POLE: variants seen among roughly 807,000 people sequenced by gnomAD.
POLE encodes DNA polymerase epsilon catalytic subunit A.
POLE carries 188 observed loss-of-function variants against 279.2 expected under a neutral mutation model. That is an observed-to-expected ratio of 0.67 (90% CI 0.60 to 0.76). The LOEUF (loss-of-function observed/expected upper bound fraction) is 0.76. Ranked by LOEUF, POLE falls within the 30% of genes least tolerant of loss-of-function variation. POLE has a pLI of 0.00. For missense variants in POLE, 2,703 were observed against 3,016.7 expected (o/e 0.90, Z 2.44); for synonymous variants, 1,214 against 1,172.5 (o/e 1.04, Z -0.72).
intron 32 of POLE, among the ~76,000 whole-genome samples, chr12:132,647,767 A>G (rs1251632141): frequency 6.6e-6 from 1 of 152,022 alleles, no homozygotes; most frequent in Non-Finnish European, 1.5e-5. Flanking sequence ...CACGCATCGA[A>G]AGGAAGGTGT....
chr12:132,672,330 A>G lies in POLE; in HGVS notation c.1687-8T>C, dbSNP rs1482896299. On this transcript the variant is annotated splice_polypyrimidine_tract_variant and splice_region_variant and intron_variant, in intron 15 of 48. Coordinates refer to ENST00000320574, the MANE Select transcript of POLE (RefSeq NM_006231.4). ...GTCAAAGGCGGCAGGATTCTAGCACAACAGTGAGACGACGGGGTCAGAGGG... is the reference window on the plus strand; with the variant it reads ...GTCAAAGGCGGCAGGATTCTAGCACGACAGTGAGACGACGGGGTCAGAGGG... The G allele has an allele frequency of 6.2e-7, 1 of 1,610,448 alleles. No individual in the cohort carries two copies.
chr12:132,664,211 T>C lies in POLE; in HGVS notation c.2562-63A>G. 1 of 1,557,314 alleles carries C rather than the reference T, an allele frequency of 6.4e-7. No individual in the cohort carries two copies. Among genetic ancestry groups the C allele is most frequent in the Non-Finnish European group, 8.8e-7 (1 of 1,137,522 alleles). On this transcript the variant is annotated intron_variant, in intron 22 of 48. Transcript: ENST00000320574. The surrounding 1 kb of genome is among the most constrained non-coding windows in gnomAD (Gnocchi z 5.3). ...TTTCCTTTTCACCCAGTGTGTGGCC[T>C]CCAGCCTTCCCTCCTTCCTTCCTGC... is the stretch of plus-strand genomic sequence containing the variant.
chr12:132,649,278 T>C (rs1248030494), intron 31 of POLE, 28 bp downstream of exon 31: 4 of 1,603,806 alleles, frequency 2.5e-6, no homozygotes, highest in Admixed American at 3.3e-5. Flanking sequence ...GCAGAGCCAC[T>C]GCCCTCCCCT....
At position 132,664,506 on chromosome 12, in the gene POLE, C is replaced by A. The variant is rs757250101; in HGVS notation, c.2469-44G>T. 2.1e-6 allele frequency: 3 copies of A among 1,447,218 alleles called. No individual in the cohort carries two copies. Among genetic ancestry groups the A allele is most frequent in the East Asian group, 4.5e-5 (2 of 44,092 alleles). 89.6% of individuals were successfully genotyped at this position (1,447,218 alleles called of 1,614,324 possible). On this transcript the variant is annotated intron_variant, in intron 21 of 48. Coordinates refer to ENST00000320574, the MANE Select transcript of POLE (RefSeq NM_006231.4). The surrounding 1 kb of genome is among the most constrained non-coding windows in gnomAD (Gnocchi z 5.3). ...CTGGTGGGTGGGGCTGGCATGGCTC[C>A]TCCAGGGGGTATCAGAGGCAGTGAG...
In POLE at chr12:132,681,203, G is replaced by C. The variant is rs143626223; in HGVS notation, c.139C>G (p.Arg47Gly). The change falls in exon 2 of 49, where the codon CGG becomes GGG. Residue 47 changes from arginine (R) to glycine (G), a missense_variant. Arg to Gly is a moderately radical substitution (Grantham distance 125). This residue lies in a region of POLE where 1,011 missense variants were observed against 1,111.7 expected (regional missense o/e 0.91). Coordinates refer to ENST00000320574, the MANE Select transcript of POLE (RefSeq NM_006231.4). ...TCCTTCAGCCGCTCAAAACCAAACC[G>C]CAAATCCATCTTATCCGTCCACTGA... is the stretch of plus-strand genomic sequence containing the variant. The part of the protein sequence containing the change: ...RSQWTDKMDL[R>G]FGFERLKEPG... 1 of 1,614,108 alleles carries C rather than the reference G, an allele frequency of 6.2e-7. No individual in the cohort carries two copies. The highest frequency in any genetic ancestry group is 8.5e-7 in the Non-Finnish European group (1 of 1,180,024).
At chr12:132,640,895 C>T in intron 39 of POLE, 2 of 436,338 alleles carry the variant, frequency 4.6e-6, no homozygotes, top group Non-Finnish European at 9.3e-6. Context: ...CTCTTTCCAC[C>T]AGTCCTCTCC....
intron 20 of POLE, among the ~76,000 whole-genome samples, chr12:132,666,504 C>G (rs1024945627): frequency 6.6e-6 from 1 of 152,220 alleles, no homozygotes; most frequent in African/African-American, 2.4e-5. Flanking sequence ...ATCACTTGAG[C>G]CTGGGAGGTG....
intron 45 of POLE, 36 bp downstream of exon 45, chr12:132,632,277 TTA>T (rs772359560): frequency 2.6e-6 from 4 of 1,518,322 alleles, no homozygotes; most frequent in Non-Finnish European, 3.7e-6. Context: ...CACATGTACG[TTA>T]GTGTCCTCTC....
intron 39 of POLE, among the ~76,000 whole-genome samples, chr12:132,640,446 C>A (rs2042119140): frequency 6.6e-6 from 1 of 152,262 alleles, no homozygotes; most frequent in East Asian, 1.9e-4. Context: ...ACAGGTCACA[C>A]AAAAGCCACA....
chr12:132,652,973 C>T (rs1482264338), intron 29 of POLE, among the ~76,000 whole-genome samples: 3 of 152,162 alleles, frequency 2.0e-5, no homozygotes, highest in Non-Finnish European at 4.4e-5. Context: ...TGGAATTACA[C>T]TGAATTTTAT....
intron 25 of POLE, 56 bp downstream of exon 25, chr12:132,660,913 T>A (rs1445520485): frequency 4.9e-6 from 7 of 1,441,536 alleles, no homozygotes; most frequent in Admixed American, 4.5e-5. Flanking sequence ...CGGGGTCCCC[T>A]TCTTGCTTCA....
At chr12:132,647,401 C>T (rs2042310445) in intron 32 of POLE, among the ~76,000 whole-genome samples, 2 of 150,864 alleles carry the variant, frequency 1.3e-5, no homozygotes, top group South Asian at 4.2e-4. Context: ...CCATGCCCTA[C>T]CTTGAAAATT....
chr12:132,641,066 A>G (rs2042130667), intron 39 of POLE: 1 of 456,560 alleles, frequency 2.2e-6, no homozygotes, highest in Admixed American at 2.3e-5. Flanking sequence ...CTCTGACCTC[A>G]GTTTCCTTAT....
intron 16 of POLE, 99 bp from the exon 17 acceptor site, chr12:132,669,038 A>C: frequency 8.4e-7 from 1 of 1,194,802 alleles, no homozygotes; most frequent in East Asian, 2.6e-5. Context: ...AAAAAGCTGA[A>C]AAATATATAA....
intron 45 of POLE, among the ~76,000 whole-genome samples, chr12:132,626,572 AAG>A (rs1175095595): frequency 4.6e-5 from 7 of 152,096 alleles, no homozygotes; most frequent in South Asian, 2.1e-4. Context: ...CAAAACACTG[AAG>A]AGAGAGAGCA....
chr12:132,649,719 C>T lies in POLE; in HGVS notation c.3753G>A (p.Trp1251Ter), dbSNP rs2042376634. 3 of 1,614,172 alleles carry T rather than the reference C, an allele frequency of 1.9e-6. No homozygotes were observed. Among genetic ancestry groups the T allele is most frequent in the Non-Finnish European group, 2.5e-6 (3 of 1,180,046 alleles). Reference sequence around the variant, plus strand: ...CGGGAGGCTGCCCCAAGATTTCCTGCCAGGGCACAGTCGGCGTGAGGTCCT... The same window carrying T: ...CGGGAGGCTGCCCCAAGATTTCCTGTCAGGGCACAGTCGGCGTGAGGTCCT... Reference protein sequence around the residue: ...ESQDLTPTVPWQEILGQPPAL... With the variant: ...ESQDLTPTVP The change falls in exon 30 of 49, where the codon TGG becomes TGA. Residue 1251 changes from tryptophan (W) to a stop codon, truncating the protein, a stop_gained. Transcript: ENST00000320574. LOFTEE classifies it high-confidence loss of function.
At chr12:132,645,357 G>T (rs979840100) in intron 32 of POLE, among the ~76,000 whole-genome samples, 2 of 141,816 alleles carry the variant, frequency 1.4e-5, no homozygotes, top group African/African-American at 2.6e-5. Context: ...CTGGAGAGGA[G>T]AGCTGGAGAG....
chr12:132,645,800 C>CA (rs2042269875), intron 32 of POLE, among the ~76,000 whole-genome samples: 1 of 149,780 alleles, frequency 6.7e-6, no homozygotes, highest in African/African-American at 2.5e-5. Context: ...ACACACACAC[C>CA]CACACACACA....
Position 132,624,526 on chromosome 12 carries a change from T to C in POLE, c.*171A>G. 1 of 627,410 alleles carries C rather than the reference T, an allele frequency of 1.6e-6. No individual in the cohort carries two copies. Among genetic ancestry groups the C allele is most frequent in the African/African-American group, 1.8e-5 (1 of 55,126 alleles). 38.9% of individuals were successfully genotyped at this position (627,410 alleles called of 1,614,324 possible). A position where few individuals can be genotyped will look rare whatever the true frequency, so the allele number is the denominator to read the frequency against. ...CCTGCTCCCGCTCCCTCCTGTGACGTCTGAGCTCCCTGAAAATGGTTTTCT... is the reference window on the plus strand; with the variant it reads ...CCTGCTCCCGCTCCCTCCTGTGACGCCTGAGCTCCCTGAAAATGGTTTTCT... On this transcript the variant is annotated 3_prime_UTR_variant, in exon 49 of 49. Coordinates refer to ENST00000320574, the MANE Select transcript of POLE (RefSeq NM_006231.4).
Sources: allele counts gnomAD v4.1 joint callset (sites outside exome capture counted in the v4.1 genomes callset), GRCh38; gene constraint gnomAD v4.1.1; regional missense constraint gnomAD v4.1.1; non-coding constraint Gnocchi (gnomAD v3.1); transcripts MANE v1.5; gene names NCBI Gene and HGNC (gene_info 2026-07-23, HGNC 2026-07-21).